PIK3C2G: variants seen among roughly 807,000 people sequenced by gnomAD.
PIK3C2G encodes phosphatidylinositol-4-phosphate 3-kinase catalytic subunit type 2 gamma, also known as phosphatidylinositol 3-kinase C2 domain-containing subunit gamma.
PIK3C2G carries 168 observed loss-of-function variants against 181.1 expected under a neutral mutation model. That is an observed-to-expected ratio of 0.93 (90% confidence interval 0.82 to 1.05). The LOEUF (loss-of-function observed/expected upper bound fraction) is 1.05, where lower values mean the gene tolerates loss of function less well. PIK3C2G is among the 50% of genes least tolerant of loss of function. The pLI is 0.00. For synonymous variants in PIK3C2G, 573 were observed against 592.2 expected (o/e 0.97, Z 0.47); for missense variants, 1,869 against 1,732.8 (o/e 1.08, Z -1.40).
chr12:18,669,965 G>A, the PIK3C2G span, among the ~76,000 whole-genome samples: 1 of 152,028 alleles, frequency 6.6e-6, no homozygotes, highest in African/African-American at 2.4e-5. Flanking sequence ...ACCGCGCCCG[G>A]CCCTCTTCCT....
At chr12:18,677,263 G>A in the PIK3C2G span, among the ~76,000 whole-genome samples, 1 of 152,096 alleles carries the variant, frequency 6.6e-6, no homozygotes, top group Non-Finnish European at 1.5e-5. Flanking sequence ...ACCAGCATAT[G>A]AATTGAGGAA....
At chr12:18,533,683 C>A (rs904688764) in intron 24 of PIK3C2G, among the ~76,000 whole-genome samples, 1 of 152,030 alleles carries the variant, frequency 6.6e-6, no homozygotes, top group Admixed American at 6.6e-5. Flanking sequence ...ACAAGCCTTG[C>A]ACAAATCTAT....
intron 15 of PIK3C2G, among the ~76,000 whole-genome samples, chr12:18,392,549 T>C (rs1943600586): frequency 6.6e-6 from 1 of 152,144 alleles, no homozygotes; most frequent in Admixed American, 6.5e-5. Context: ...TTCACATTAC[T>C]AAATTATCTC....
the PIK3C2G span, among the ~76,000 whole-genome samples, chr12:18,725,777 T>C: frequency 6.6e-6 from 1 of 152,078 alleles, no homozygotes; most frequent in African/African-American, 2.4e-5. Flanking sequence ...CTCGTTGTTG[T>C]TTTTTGTTTG....
chr12:18,361,246 A>G (rs1941212905), intron 11 of PIK3C2G, among the ~76,000 whole-genome samples: 1 of 151,842 alleles, frequency 6.6e-6, no homozygotes, highest in African/African-American at 2.4e-5. Flanking sequence ...TAGCTCCATA[A>G]TTTCTATTTG....
rs1261685292 is a variant in PIK3C2G, at chr12:18,317,066, T to C, written c.1137+3002T>C. Among the ~76,000 whole-genome samples the C allele has an allele frequency of 1.0e-4, 15 of 145,168 alleles. No individual in the cohort carries two copies. In the Admixed American group the frequency reaches 1.1e-3, roughly 10 times the overall value. On this transcript the variant is annotated intron_variant, in intron 6 of 32. Coordinates refer to ENST00000538779, the MANE Select transcript of PIK3C2G (RefSeq NM_001288772.2). ...TCTCGCTCTGTTGCCCAGGCTGGAG[T>C]GCAGTGGCGTGATCTTGGCTCACTG... is the stretch of plus-strand genomic sequence containing the variant.
At chr12:18,723,232 T>C in the PIK3C2G span, 1 of 1,253,128 alleles carries the variant, frequency 8.0e-7, no homozygotes, top group Non-Finnish European at 1.1e-6. Flanking sequence ...AAAAATACTT[T>C]GCTTTGAAAT....
chr12:18,278,003 T>C (rs1052122683), intron 1 of PIK3C2G, among the ~76,000 whole-genome samples: 2 of 152,168 alleles, frequency 1.3e-5, no homozygotes, highest in Non-Finnish European at 2.9e-5. Context: ...TTCCAACCAA[T>C]AATAGAGAGC....
At chr12:18,721,458 T>C in the PIK3C2G span, among the ~76,000 whole-genome samples, 1 of 152,038 alleles carries the variant, frequency 6.6e-6, no homozygotes. Flanking sequence ...AGGAAATGGA[T>C]GAACAGTATA....
In PIK3C2G at chr12:18,282,259, G is replaced by C; in HGVS notation, c.178G>C (p.Glu60Gln). The C allele has an allele frequency of 6.2e-7, 1 of 1,613,710 alleles. No individual in the cohort carries two copies. Among genetic ancestry groups the C allele is most frequent in the East Asian group, 2.2e-5 (1 of 44,862 alleles). The change falls in exon 2 of 33, where the codon GAA becomes CAA. Residue 60 changes from glutamate (E) to glutamine (Q), a missense_variant. Physicochemically the swap from Glu to Gln is conservative, Grantham distance 29 (BLOSUM62 2). Coordinates refer to ENST00000538779, the MANE Select transcript of PIK3C2G (RefSeq NM_001288772.2). ...KIPHYESEID[E>Q]NTFFVPTAPK... ...TCCACACTACGAGAGTGAAATTGAT[G>C]AAAACACCTTTTTTGTGCCCACTGC...
At chr12:18,612,205 A>G (rs941261973) in intron 31 of PIK3C2G, among the ~76,000 whole-genome samples, 3 of 151,752 alleles carry the variant, frequency 2.0e-5, no homozygotes, top group Non-Finnish European at 4.4e-5. Flanking sequence ...CTGCTACTCC[A>G]TTTACCTAGA....
At chr12:18,516,333 G>A (rs1008252630) in intron 24 of PIK3C2G, among the ~76,000 whole-genome samples, 6 of 148,572 alleles carry the variant, frequency 4.0e-5, no homozygotes, top group Non-Finnish European at 7.4e-5. Context: ...GGTTTCTGCC[G>A]TGAAACCCAC....
chr12:18,628,185 T>C (rs1949186076), intron 31 of PIK3C2G, among the ~76,000 whole-genome samples: 1 of 152,160 alleles, frequency 6.6e-6, no homozygotes. Flanking sequence ...ATTATTTTAA[T>C]AGAGTTCTTT....
the PIK3C2G span, among the ~76,000 whole-genome samples, chr12:18,689,849 T>A: frequency 1.3e-5 from 2 of 152,142 alleles, no homozygotes; most frequent in Admixed American, 1.3e-4. Context: ...AACTTGGCTC[T>A]CTGATTCCCA....
chr12:18,605,301 C>T (rs1052613498), intron 30 of PIK3C2G, among the ~76,000 whole-genome samples: 1 of 152,024 alleles, frequency 6.6e-6, no homozygotes, highest in Admixed American at 6.6e-5. Flanking sequence ...TGGATGAATT[C>T]CTGGAAAAAT....
At chr12:18,606,355 A>G (rs189878033) in intron 30 of PIK3C2G, among the ~76,000 whole-genome samples, 93 of 152,264 alleles carry the variant, frequency 6.1e-4, no homozygotes, top group African/African-American at 2.1e-3. Flanking sequence ...TTGTGCCTCA[A>G]AACGTCATCA....
chr12:18,288,877 A>G (rs565401638), intron 3 of PIK3C2G, among the ~76,000 whole-genome samples: 1 of 152,194 alleles, frequency 6.6e-6, no homozygotes, highest in Non-Finnish European at 1.5e-5. Context: ...ACTTGATGTG[A>G]TGATTTTCCA....
At chr12:18,577,236 T>C (rs971905476) in intron 29 of PIK3C2G, among the ~76,000 whole-genome samples, 1 of 152,182 alleles carries the variant, frequency 6.6e-6, no homozygotes, top group Non-Finnish European at 1.5e-5. Flanking sequence ...GAAGGTTTTT[T>C]GTAAAGGTGT....
chr12:18,693,704 T>G, the PIK3C2G span: 11 of 1,563,554 alleles, frequency 7.0e-6, no homozygotes, highest in Non-Finnish European at 9.7e-6. Context: ...GCGAACAACG[T>G]TGGAACTGCT....
Sources: gnomAD v4.1 joint callset for allele counts (sites outside exome capture counted in the v4.1 genomes callset) on GRCh38, gnomAD v4.1.1 for gene constraint, MANE v1.5 for transcripts, NCBI Gene and HGNC (gene_info 2026-07-23, HGNC 2026-07-21) for gene names.